DNAJB12: variants seen among roughly 807,000 people sequenced by gnomAD.
The protein encoded by DNAJB12 is DnaJ heat shock protein family (Hsp40) member B12.
DNAJB12 carries 14 observed loss-of-function variants against 40.6 expected under a neutral mutation model. The observed-to-expected ratio is 0.34, with a 90% CI of 0.23 to 0.54. The LOEUF (loss-of-function observed/expected upper bound fraction) is 0.54, where lower values mean the gene tolerates loss of function less well. DNAJB12 is among the 20% of genes least tolerant of loss of function. The pLI, the probability that DNAJB12 is intolerant of heterozygous loss-of-function variation, is 0.92. For synonymous variants in DNAJB12, 181 were observed against 199.5 expected, an observed-to-expected ratio of 0.91 and a Z score of 0.78; for missense variants, 444 against 501.7, an observed-to-expected ratio of 0.89 and a Z score of 1.10.
rs988300628 is a variant in DNAJB12 at position 72,341,031 on chromosome 10, G to A, written c.597C>T (p.Ser199=). ...DFHRGFEADI[S]PEDLFNMFFG... Reference sequence around the variant, plus strand: ...AGAACATGTTGAAGAGGTCTTCAGGGGAGATGTCGGCCTCAAAGCCACGGT... The same window carrying A: ...AGAACATGTTGAAGAGGTCTTCAGGAGAGATGTCGGCCTCAAAGCCACGGT... Residue 199 remains serine, a synonymous_variant, in exon 4 of 9, where the codon TCC becomes TCT. Transcript: ENST00000444643. The A allele has an allele frequency of 2.5e-6, 4 of 1,614,100 alleles. No homozygotes were observed. The highest frequency in any genetic ancestry group is 2.7e-5 in the African/African-American group (2 of 75,042).
At position 72,335,072 on chromosome 10, in the gene DNAJB12, T is replaced by A; in HGVS notation, c.*31-455A>T. The A allele has an allele frequency of 1.0e-6, 1 of 995,508 alleles. No individual in the cohort carries two copies. Among genetic ancestry groups the A allele is most frequent in the Non-Finnish European group, 1.2e-6 (1 of 836,048 alleles). 61.7% of individuals were successfully genotyped at this position (995,508 alleles called of 1,614,324 possible). On this transcript the variant is annotated intron_variant, in intron 8 of 8. Transcript: ENST00000444643. The surrounding 1 kb of genome is among the most constrained non-coding windows in gnomAD (Gnocchi z 4.4). ...CTGACCCTGAACTCATGACCTTCTGTTCCCTTCCTCAGACCGCAGGCGAGA... is the reference window on the plus strand; with the variant it reads ...CTGACCCTGAACTCATGACCTTCTGATCCCTTCCTCAGACCGCAGGCGAGA...
chr10:72,341,217 G>A (rs955410888), intron 3 of DNAJB12, 47 bp from the exon 4 acceptor site: 5 of 1,563,670 alleles, frequency 3.2e-6, no homozygotes, highest in Middle Eastern at 3.9e-4. Context: ...TGGGGTGCGG[G>A]GGGAGGCTCC....
rs571783849 is a variant in DNAJB12, at chr10:72,334,827, C to T, written c.*31-210G>A. 296 of 1,358,468 alleles carry T rather than the reference C, an allele frequency of 2.2e-4. No individual in the cohort carries two copies. The African/African-American group carries it at 2.7e-3, about 13-fold the overall frequency. The allele number at this position is 1,358,468 out of a possible 1,614,324, so 84.2% of individuals were successfully genotyped here. On this transcript the variant is annotated intron_variant, in intron 8 of 8. Transcript: ENST00000444643. Reference sequence around the variant, plus strand: ...GGCAGAGTCAGCCATGGATCCAGGCCGGGAGGACACAGGCAAAGGAGGGGG... The same window carrying T: ...GGCAGAGTCAGCCATGGATCCAGGCTGGGAGGACACAGGCAAAGGAGGGGG...
At chr10:72,336,734 C>T (rs1309966397) in intron 6 of DNAJB12, 38 bp from the exon 7 acceptor site, 2 of 1,597,438 alleles carry the variant, frequency 1.3e-6, no homozygotes, top group Admixed American at 1.7e-5. Flanking sequence ...GGTGCGGGTC[C>T]CCATGCCCAG....
At chr10:72,354,682 C>T in intron 1 of DNAJB12, 83 bp downstream of exon 1, 2 of 1,315,900 alleles carry the variant, frequency 1.5e-6, no homozygotes, top group Non-Finnish European at 1.0e-6. Context: ...CCCTCCCCCT[C>T]CCCCAACTGC....
At position 72,334,514 on chromosome 10, in the gene DNAJB12, C is replaced by A; in HGVS notation, c.*134G>T. The A allele has an allele frequency of 6.6e-7, 1 of 1,506,818 alleles. No homozygotes were observed. Among genetic ancestry groups the A allele is most frequent in the South Asian group, 1.2e-5 (1 of 83,422 alleles). 93.3% of individuals were successfully genotyped at this position (1,506,818 alleles called of 1,614,324 possible). ...GGGCAGCTGTGCAGCGTTCGGCCTC[C>A]AATTCCATTTTAATTTTGTTTCTTT... On this transcript the variant is annotated 3_prime_UTR_variant, in exon 9 of 9. Transcript: ENST00000444643.
chr10:72,350,663 C>T (rs772652108), intron 1 of DNAJB12, among the ~76,000 whole-genome samples: 25 of 152,146 alleles, frequency 1.6e-4, no homozygotes, highest in South Asian at 8.3e-4. Flanking sequence ...ACCTACGGTG[C>T]TCACAGTGAG....
intron 2 of DNAJB12, 105 bp downstream of exon 2, chr10:72,344,845 G>C (rs2131994613): frequency 7.4e-7 from 1 of 1,359,570 alleles, no homozygotes; most frequent in Non-Finnish European, 1.0e-6. Context: ...GACCCTCCCA[G>C]GGCCCTGTGC....
At chr10:72,351,751 G>A (rs375808884) in intron 1 of DNAJB12, among the ~76,000 whole-genome samples, 19 of 152,356 alleles carry the variant, frequency 1.2e-4, no homozygotes, top group African/African-American at 4.1e-4. Context: ...AGTGACCTCA[G>A]CCATGCACAA....
At chr10:72,346,346 C>A (rs1861788345) in intron 1 of DNAJB12, among the ~76,000 whole-genome samples, 1 of 148,558 alleles carries the variant, frequency 6.7e-6, no homozygotes. Context: ...TTTTTTTTGA[C>A]ACGGAGTCTT....
At chr10:72,334,865 C>T in intron 8 of DNAJB12, 1 of 1,327,138 alleles carries the variant, frequency 7.5e-7, no homozygotes, top group Non-Finnish European at 9.6e-7. Flanking sequence ...GGCAGGGCAC[C>T]CACACAGAGA....
chr10:72,335,306 T>TG lies in DNAJB12; in HGVS notation c.*30+473dup. On this transcript the variant is annotated intron_variant, in intron 8 of 8. Coordinates refer to ENST00000444643, the MANE Select transcript of DNAJB12 (RefSeq NM_017626.7). This position sits in a 1 kb window ranked among gnomAD's most constrained non-coding sequence, Gnocchi z 4.4. The stretch of plus-strand genomic sequence containing the variant: ...AGGGATGGAGAAAGGGGAGGGCTCT[T>TG]GGCCCACCTATTCCCACATGGTTCT... The TG allele has an allele frequency of 1.0e-6, 1 of 988,118 alleles. No homozygotes were observed. The highest frequency in any genetic ancestry group is 1.7e-5 in the African/African-American group (1 of 57,400). 61.2% of individuals were successfully genotyped at this position (988,118 alleles called of 1,614,324 possible).
At chr10:72,336,426 C>G in intron 7 of DNAJB12, 98 bp downstream of exon 7, 3 of 1,351,580 alleles carry the variant, frequency 2.2e-6, no homozygotes, top group Non-Finnish European at 3.1e-6. Context: ...GCTGGGCCCT[C>G]AGAGCACAGG....
chr10:72,341,456 A>T (rs1861638407), intron 3 of DNAJB12, among the ~76,000 whole-genome samples: 1 of 152,044 alleles, frequency 6.6e-6, no homozygotes, highest in Non-Finnish European at 1.5e-5. Context: ...GTGTGGCCTC[A>T]TTTACTTCTT....
chr10:72,340,843 G>A lies in DNAJB12; in HGVS notation c.669C>T (p.Gly223=). Residue 223 remains glycine (G), a synonymous_variant, in exon 5 of 9, where the codon GGC becomes GGT. Coordinates refer to ENST00000444643, the MANE Select transcript of DNAJB12 (RefSeq NM_017626.7). ...PSSNVHVYSN[G]RMRYTYQQRQ... Reference sequence around the variant, plus strand: ...TTTGCTGGTAGGTATAGCGCATGCGGCCGTTGCTGTAGACGTGGACGTTAC... The same window carrying A: ...TTTGCTGGTAGGTATAGCGCATGCGACCGTTGCTGTAGACGTGGACGTTAC... 6.2e-7 allele frequency: 1 copy of A among 1,614,194 alleles called. No homozygotes were observed. Among genetic ancestry groups the A allele is most frequent in the Non-Finnish European group, 8.5e-7 (1 of 1,180,022 alleles).
rs954275122 is a variant in DNAJB12, at chr10:72,354,874, A to G, written c.24T>C (p.Ala8=). The G allele has an allele frequency of 1.9e-6, 3 of 1,613,982 alleles. No individual in the cohort carries two copies. In the African/African-American group the frequency reaches 4.0e-5, roughly 22 times the overall value. ...TGAGGGCGATGCTGATACAGCGCTC[A>G]GCTTCATCCTTGTTGGATTCCATGG... is the stretch of plus-strand genomic sequence containing the variant. The part of the protein sequence containing the change: MESNKDE[A]ERCISIALKA... Residue 8 remains alanine (A), a synonymous_variant, in exon 1 of 9, where the codon GCT becomes GCC. Transcript: ENST00000444643.
Position 72,335,652 on chromosome 10 carries a change from G to A in DNAJB12, c.*30+128C>T, listed in dbSNP as rs1196394455. The A allele has an allele frequency of 2.5e-5, 36 of 1,435,740 alleles. No homozygotes were observed. Among genetic ancestry groups the A allele is most frequent in the Middle Eastern group, 2.6e-4 (1 of 3,864 alleles). The allele number at this position is 1,435,740 out of a possible 1,614,324, so 88.9% of individuals were successfully genotyped here. On this transcript the variant is annotated intron_variant, in intron 8 of 8. Transcript: ENST00000444643. The surrounding 1 kb of genome is among the most constrained non-coding windows in gnomAD (Gnocchi z 4.4). ...GCTGCTCGGTCTCTGGAGGCTGGAGGTCAGGCTGGGGACAGGAGTCTTTGC... is the reference window on the plus strand; with the variant it reads ...GCTGCTCGGTCTCTGGAGGCTGGAGATCAGGCTGGGGACAGGAGTCTTTGC...
In DNAJB12 at chr10:72,350,194, G is replaced by C. The variant is rs138567217; in HGVS notation, c.133+4571C>G. ...GCAGGAGAATGGATTGAGCTCAGGA[G>C]TTCGAGACCAGCCTTGGCAACACAG... On this transcript the variant is annotated intron_variant, in intron 1 of 8. Coordinates refer to ENST00000444643, the MANE Select transcript of DNAJB12 (RefSeq NM_017626.7). 1.9e-3 allele frequency among the ~76,000 whole-genome samples: 293 copies of C among 152,034 alleles called. 2 individuals are homozygous for C. Among genetic ancestry groups the C allele is most frequent in the Non-Finnish European group, 3.0e-3 (201 of 67,960 alleles).
intron 3 of DNAJB12, 100 bp from the exon 4 acceptor site, chr10:72,341,270 G>A: frequency 1.7e-6 from 2 of 1,174,724 alleles, no homozygotes; most frequent in Non-Finnish European, 2.4e-6. Context: ...CTCAAGCAGT[G>A]CTTTAGGAAG....
Sources: allele counts gnomAD v4.1 joint callset (sites outside exome capture counted in the v4.1 genomes callset), GRCh38; gene constraint gnomAD v4.1.1; non-coding constraint Gnocchi (gnomAD v3.1); transcripts MANE v1.5; gene names NCBI Gene and HGNC (gene_info 2026-07-23, HGNC 2026-07-21).